RGS22: variants seen among roughly 807,000 people sequenced by gnomAD.
RGS22 encodes regulator of G protein signaling 22, also known as regulator of G-protein signaling 22.
In RGS22, 148 loss-of-function variants were observed where a neutral mutation model predicts 172.9. The observed-to-expected ratio is 0.86, with a 90% CI of 0.75 to 0.98. The LOEUF is 0.98. Among genes scored for constraint, RGS22 ranks in the 50% least tolerant of loss-of-function variants. RGS22 has a pLI of 0.00. For synonymous variants in RGS22, 458 were observed against 480.2 expected, an observed-to-expected ratio of 0.95 and a Z score of 0.60; for missense variants, 1,347 against 1,440.8, an observed-to-expected ratio of 0.93 and a Z score of 1.05.
chr8:99,997,024 C>T (rs988053142), intron 19 of RGS22, among the ~76,000 whole-genome samples: 4 of 152,126 alleles, frequency 2.6e-5, no homozygotes, highest in Admixed American at 2.0e-4. Flanking sequence ...GCAGATAGAT[C>T]CAGAAGCAGA....
intron 19 of RGS22, among the ~76,000 whole-genome samples, 153 bp from the exon 20 acceptor site, chr8:99,996,683 C>A (rs1374769425): frequency 6.6e-6 from 1 of 152,070 alleles, no homozygotes; most frequent in African/African-American, 2.4e-5. Context: ...AAAATGGAAG[C>A]CCTGTGGTCA....
At chr8:100,005,131 T>C (rs1815550255) in intron 16 of RGS22, among the ~76,000 whole-genome samples, 1 of 152,050 alleles carries the variant, frequency 6.6e-6, no homozygotes, top group African/African-American at 2.4e-5. Context: ...CCTTTATGGA[T>C]TTTTATGTAT....
intron 14 of RGS22, among the ~76,000 whole-genome samples, chr8:100,013,129 A>T (rs1373781698): frequency 6.6e-6 from 1 of 151,994 alleles, no homozygotes; most frequent in Non-Finnish European, 1.5e-5. Flanking sequence ...AGCTGGGACT[A>T]CAGGTGTCCA....
chr8:100,067,294 C>T (rs1810600646), intron 6 of RGS22, among the ~76,000 whole-genome samples: 1 of 152,166 alleles, frequency 6.6e-6, no homozygotes, highest in South Asian at 2.1e-4. Context: ...ATGTAGTCAC[C>T]ATCCCTCTTA....
intron 4 of RGS22, among the ~76,000 whole-genome samples, chr8:100,076,590 T>C (rs1434186387): frequency 6.6e-6 from 1 of 152,148 alleles, no homozygotes; most frequent in East Asian, 1.9e-4. Flanking sequence ...GGGCCTGGAG[T>C]TGTCTTTGTG....
At chr8:99,995,654 C>T (rs1230281347) in intron 20 of RGS22, among the ~76,000 whole-genome samples, 1 of 152,220 alleles carries the variant, frequency 6.6e-6, no homozygotes, top group African/African-American at 2.4e-5. Flanking sequence ...TGCTTTTACA[C>T]CGTTGGTGAG....
intron 14 of RGS22, among the ~76,000 whole-genome samples, chr8:100,037,174 T>G (rs1258446089): frequency 2.6e-5 from 4 of 152,128 alleles, no homozygotes. Context: ...GGTGCATGCC[T>G]GTAATCCCAG....
rs1810612674 is a variant in RGS22 at position 99,965,332 on chromosome 8, T to C, written c.3615+3A>G. 6.2e-7 allele frequency: 1 copy of C among 1,607,476 alleles called. No individual in the cohort carries two copies. The highest frequency in any genetic ancestry group is 1.7e-5 in the Admixed American group (1 of 59,948). ...TGAGGTCTGCACCATCTTGCATGCT[T>C]ACCTGTCGGCCATATGGTTGGAGGC... is the stretch of plus-strand genomic sequence containing the variant. On this transcript the variant is annotated splice_donor_region_variant and intron_variant, in intron 24 of 27. Transcript: ENST00000360863.
intron 10 of RGS22, among the ~76,000 whole-genome samples, chr8:100,052,231 G>A (rs1193630404): frequency 0.029 from 2,948 of 102,878 alleles, 361 homozygotes; most frequent in African/African-American, 0.12. Context: ...ACATATATAT[G>A]TATATTTATA....
rs73699896 is a variant in RGS22, at chr8:99,961,070, A to C, written c.*172T>G. The C allele has an allele frequency of 0.013, 4,875 of 381,822 alleles. 186 individuals carry two copies. Among genetic ancestry groups the C allele is most frequent in the African/African-American group, 0.094 (4,392 of 46,938 alleles). 23.7% of individuals were successfully genotyped at this position (381,822 alleles called of 1,614,324 possible). A position where few individuals can be genotyped will look rare whatever the true frequency, so the allele number is the denominator to read the frequency against. On this transcript the variant is annotated 3_prime_UTR_variant, in exon 28 of 28. Coordinates refer to ENST00000360863, the MANE Select transcript of RGS22 (RefSeq NM_015668.5). The stretch of plus-strand genomic sequence containing the variant: ...GAGTAAGACAAGCCAAATTTTCTTT[A>C]TTTATTTCCCACCTGGAAAATCCAG...
At chr8:100,016,291 T>C (rs1816939032) in intron 14 of RGS22, among the ~76,000 whole-genome samples, 1 of 152,038 alleles carries the variant, frequency 6.6e-6, no homozygotes, top group Non-Finnish European at 1.5e-5. Flanking sequence ...TAAAAATAAA[T>C]AAACTAGAGA....
intron 16 of RGS22, among the ~76,000 whole-genome samples, chr8:100,005,360 C>T (rs969038146): frequency 2.0e-5 from 3 of 151,978 alleles, no homozygotes; most frequent in Non-Finnish European, 4.4e-5. Flanking sequence ...TAAACAGGAT[C>T]GATCATACCA....
chr8:100,035,919 G>C (rs1586063910), intron 14 of RGS22, among the ~76,000 whole-genome samples: 1 of 152,106 alleles, frequency 6.6e-6, no homozygotes, highest in East Asian at 1.9e-4. Context: ...GAGAACTCTT[G>C]GACACAGGGC....
chr8:100,064,303 A>G (rs559150226), intron 7 of RGS22, among the ~76,000 whole-genome samples: 7 of 152,130 alleles, frequency 4.6e-5, no homozygotes, highest in African/African-American at 1.7e-4. Flanking sequence ...CCCCTTCTCT[A>G]CTAAAAATAC....
rs888243825 is a variant in RGS22 at position 100,099,144 on chromosome 8, G to A, written c.55-5635C>T. Among the ~76,000 whole-genome samples the A allele has an allele frequency of 2.0e-5, 3 of 152,126 alleles. No homozygotes were observed. In the East Asian group the frequency reaches 5.8e-4, roughly 30 times the overall value. ...TTGGCCAGGATGGTCTGAATCTCCT[G>A]ACTTCATGATCCACCCGCCTCGGCC... On this transcript the variant is annotated intron_variant, in intron 2 of 27. Transcript: ENST00000360863.
At chr8:100,100,181 ACCT>A (rs1813352802) in intron 2 of RGS22, among the ~76,000 whole-genome samples, 1 of 151,900 alleles carries the variant, frequency 6.6e-6, no homozygotes, top group Non-Finnish European at 1.5e-5. Flanking sequence ...CCTACACCCA[ACCT>A]CCTATGTACT....
At chr8:99,971,587 C>T (rs1480853908) in intron 23 of RGS22, among the ~76,000 whole-genome samples, 3 of 150,950 alleles carry the variant, frequency 2.0e-5, no homozygotes, top group Non-Finnish European at 4.4e-5. Context: ...CAATAATAGA[C>T]AAACAGAGAG....
chr8:100,016,266 C>A (rs1816936228), intron 14 of RGS22, among the ~76,000 whole-genome samples: 1 of 152,166 alleles, frequency 6.6e-6, no homozygotes, highest in Admixed American at 6.5e-5. Flanking sequence ...GTTGACGCTT[C>A]ATAGACTTCC....
chr8:100,042,294 T>G (rs1476881999), intron 11 of RGS22, among the ~76,000 whole-genome samples: 2 of 152,148 alleles, frequency 1.3e-5, no homozygotes, highest in African/African-American at 4.8e-5. Flanking sequence ...AATTTTAATG[T>G]GTTTTAGAGG....
Sources: gnomAD v4.1 joint callset for allele counts (sites outside exome capture counted in the v4.1 genomes callset) on GRCh38, gnomAD v4.1.1 for gene constraint, MANE v1.5 for transcripts, NCBI Gene and HGNC (gene_info 2026-07-23, HGNC 2026-07-21) for gene names.